The following HTR4 variants were observed in gnomAD, a reference collection of about 807,000 sequenced individuals.
HTR4 encodes the protein 5-hydroxytryptamine (serotonin) receptor 4, G protein-coupled.
In HTR4, 16 loss-of-function variants were observed where a neutral mutation model predicts 36.8. The observed-to-expected ratio is 0.43, with a 90% CI of 0.29 to 0.66. The LOEUF (loss-of-function observed/expected upper bound fraction) is 0.66, where lower values mean the gene tolerates loss of function less well. Among genes scored for constraint, HTR4 ranks in the 30% least tolerant of loss-of-function variants. HTR4 has a pLI of 0.13. For synonymous variants in HTR4, 189 were observed against 185.1 expected, an observed-to-expected ratio of 1.02 and a Z score of -0.17; for missense variants, 438 against 490.9, an observed-to-expected ratio of 0.89 and a Z score of 1.02.
rs1256714453 is a variant in HTR4, at chr5:148,523,136, G to C, written c.507+57C>G. 2.1e-6 allele frequency: 3 copies of C among 1,423,932 alleles called. No homozygotes were observed. The African/African-American group carries it at 4.3e-5, about 21-fold the overall frequency. The allele number at this position is 1,423,932 out of a possible 1,614,324, so 88.2% of individuals were successfully genotyped here. On this transcript the variant is annotated intron_variant, in intron 5 of 6. Coordinates refer to ENST00000377888, the MANE Select transcript of HTR4 (RefSeq NM_000870.7). ...AATCTAATATTATTTATTCATTTAG[G>C]AACCCCATGCAAAGTTGATCAGACA...
intron 4 of HTR4, among the ~76,000 whole-genome samples, chr5:148,529,798 T>G (rs1257168604): frequency 6.6e-6 from 1 of 152,216 alleles, no homozygotes; most frequent in Non-Finnish European, 1.5e-5. Flanking sequence ...TGAATGGCTT[T>G]GGCCAAAATG....
chr5:148,550,163 C>A lies in HTR4; in HGVS notation c.126G>T (p.Val42=). 1 of 1,614,130 alleles carries A rather than the reference C, an allele frequency of 6.2e-7. No individual in the cohort carries two copies. The highest frequency in any genetic ancestry group is 8.5e-7 in the Non-Finnish European group (1 of 1,180,020). The change falls in exon 3 of 7, where the codon GTG becomes GTT. Residue 42 remains valine, a synonymous_variant. Transcript: ENST00000377888. Reference sequence around the variant, plus strand: ...TGAGCTGCCTGTCCCAGCACACAGCCACCATCACCAGCAGGTTCCCCAAGA... The same window carrying A: ...TGAGCTGCCTGTCCCAGCACACAGCAACCATCACCAGCAGGTTCCCCAAGA... The part of the protein sequence containing the change: ...MAILGNLLVM[V]AVCWDRQLRK...
At chr5:148,473,288 C>T (rs559613519), downstream of HTR4, among the ~76,000 whole-genome samples, 286 of 129,332 alleles carry the variant, frequency 2.2e-3, 2 homozygotes, top group Middle Eastern at 4.4e-3. Flanking sequence ...GGCAACAGAG[C>T]GAGACTCCAT....
intron 4 of HTR4, among the ~76,000 whole-genome samples, chr5:148,533,537 A>G (rs1362685044): frequency 6.6e-6 from 1 of 152,172 alleles, no homozygotes; most frequent in Non-Finnish European, 1.5e-5. Context: ...TTCTGCAATT[A>G]AGGAAAATTC....
At chr5:148,545,801 A>G (rs1256256025) in intron 4 of HTR4, among the ~76,000 whole-genome samples, 3 of 152,212 alleles carry the variant, frequency 2.0e-5, no homozygotes, top group Admixed American at 1.3e-4. Flanking sequence ...AAAACCTTGT[A>G]TGAGTCTGGT....
intron 6 of HTR4, among the ~76,000 whole-genome samples, chr5:148,494,032 A>C (rs1756573441): frequency 6.6e-6 from 1 of 152,216 alleles, no homozygotes; most frequent in Non-Finnish European, 1.5e-5. Flanking sequence ...CATGGGTAAA[A>C]ATCTTCCAAT....
chr5:148,488,665 A>G (rs1756273308), intron 6 of HTR4, among the ~76,000 whole-genome samples: 2 of 152,334 alleles, frequency 1.3e-5, no homozygotes, highest in South Asian at 2.1e-4. Flanking sequence ...AGAAAACTAA[A>G]TTGCAGAAAG....
At chr5:148,473,122 AC>A (rs562093030), downstream of HTR4, among the ~76,000 whole-genome samples, 183 of 151,706 alleles carry the variant, frequency 1.2e-3, no homozygotes, top group Middle Eastern at 3.4e-3. Flanking sequence ...ACATGGTGAA[AC>A]CCCGTCTCTA....
intron 2 of HTR4, among the ~76,000 whole-genome samples, chr5:148,609,274 T>C (rs1752308065): frequency 6.6e-6 from 1 of 152,188 alleles, no homozygotes; most frequent in African/African-American, 2.4e-5. Flanking sequence ...GTTCCACTGA[T>C]TGATCACATG....
chr5:148,615,131 A>C (rs1225929929), intron 2 of HTR4, among the ~76,000 whole-genome samples: 1 of 151,444 alleles, frequency 6.6e-6, no homozygotes, highest in Non-Finnish European at 1.5e-5. Flanking sequence ...GCGATTCCTC[A>C]GGGATCTAGA....
intron 6 of HTR4, among the ~76,000 whole-genome samples, chr5:148,485,293 C>A (rs1756096514): frequency 6.6e-6 from 1 of 152,102 alleles, no homozygotes; most frequent in South Asian, 2.1e-4. Context: ...AGTAATTTGC[C>A]CAAGTATACA....
At chr5:148,633,590 T>A (rs1343776202) in intron 2 of HTR4, among the ~76,000 whole-genome samples, 1 of 143,906 alleles carries the variant, frequency 6.9e-6, no homozygotes. Context: ...CCATGTGTTC[T>A]CATTGTTCAA....
chr5:148,477,804 C>A (rs750248630), downstream of HTR4, among the ~76,000 whole-genome samples: 3 of 152,140 alleles, frequency 2.0e-5, no homozygotes, highest in Non-Finnish European at 2.9e-5. Context: ...CTATGTCAAG[C>A]ACATTCCTGC....
chr5:148,576,110 C>CAAAAAAAAAAAAAAAAAAAAAAAAAAA (rs781780161), intron 2 of HTR4, among the ~76,000 whole-genome samples: 1 of 32,714 alleles, frequency 3.1e-5, no homozygotes, highest in Non-Finnish European at 5.4e-5. Flanking sequence ...GACTCCGTCT[C>CAAAAAAAAAAAAAAAAAAAAAAAAAAA]AAAAAAAAAA....
rs902662587 is a variant in HTR4, at chr5:148,496,624, C to T, written c.1076+12832G>A. On this transcript the variant is annotated intron_variant, in intron 6 of 6. Transcript: ENST00000377888. Reference sequence around the variant, plus strand: ...TGAGTAGAAGCCACAGGGATGGAAACGTCAACTCAATATCAGGAAAACCTT... The same window carrying T: ...TGAGTAGAAGCCACAGGGATGGAAATGTCAACTCAATATCAGGAAAACCTT... 3.3e-5 allele frequency among the ~76,000 whole-genome samples: 5 copies of T among 152,118 alleles called. No individual in the cohort carries two copies. The South Asian group carries it at 6.2e-4, about 19-fold the overall frequency.
intron 2 of HTR4, among the ~76,000 whole-genome samples, chr5:148,568,634 T>C (rs887425800): frequency 6.6e-6 from 1 of 152,174 alleles, no homozygotes; most frequent in South Asian, 2.1e-4. Context: ...TTTCCACCAG[T>C]CAGACTCAAA....
At chr5:148,614,412 A>T (rs1446814015) in intron 2 of HTR4, among the ~76,000 whole-genome samples, 1 of 152,240 alleles carries the variant, frequency 6.6e-6, no homozygotes, top group East Asian at 1.9e-4. Flanking sequence ...GACAAACTTG[A>T]GAAAAACAAG....
Position 148,548,652 on chromosome 5 carries a change from A to G in HTR4, c.353+16T>C, listed in dbSNP as rs958045244. 6.3e-7 allele frequency: 1 copy of G among 1,583,906 alleles called. No individual in the cohort carries two copies. The highest frequency in any genetic ancestry group is 8.6e-7 in the Non-Finnish European group (1 of 1,163,216). Reference sequence around the variant, plus strand: ...TCCAGCATGGAGCTCCGCTATGCACATTGTTCTGTCCTTACCTATCCAGAG... The same window carrying G: ...TCCAGCATGGAGCTCCGCTATGCACGTTGTTCTGTCCTTACCTATCCAGAG... On this transcript the variant is annotated intron_variant, in intron 4 of 6. Transcript: ENST00000377888.
chr5:148,576,959 T>A (rs901040228), intron 2 of HTR4, among the ~76,000 whole-genome samples: 2 of 151,928 alleles, frequency 1.3e-5, no homozygotes, highest in African/African-American at 2.4e-5. Flanking sequence ...AAAGCAAAAA[T>A]TGACAACTGG....
Sources: allele counts gnomAD v4.1 joint callset (sites outside exome capture counted in the v4.1 genomes callset), GRCh38; gene constraint gnomAD v4.1.1; transcripts MANE v1.5; gene names NCBI Gene and HGNC (gene_info 2026-07-23, HGNC 2026-07-21).